The following ADAM29 variants were observed in gnomAD, a reference collection of about 807,000 sequenced individuals.
ADAM29 encodes ADAM metallopeptidase domain 29, also known as disintegrin and metalloproteinase domain-containing protein 29.
For synonymous variants in ADAM29, 367 were observed against 342.3 expected (o/e 1.07, Z -0.80); for missense variants, 969 against 1,001.8 (o/e 0.97, Z 0.44).
chr4:174,963,073 A>G (rs1745940905), intron 4 of ADAM29, among the ~76,000 whole-genome samples: 1 of 152,192 alleles, frequency 6.6e-6, no homozygotes, highest in Non-Finnish European at 1.5e-5. Context: ...AGTCTCATTA[A>G]AATACTTGGC....
intron 4 of ADAM29, among the ~76,000 whole-genome samples, chr4:174,944,557 T>A (rs571297139): frequency 5.5e-4 from 84 of 152,294 alleles, no homozygotes; most frequent in African/African-American, 1.7e-3. Flanking sequence ...GCTTCAGGGA[T>A]CCACATGTAA....
At chr4:174,927,063 G>A (rs1379386365) in intron 2 of ADAM29, among the ~76,000 whole-genome samples, 1 of 152,092 alleles carries the variant, frequency 6.6e-6, no homozygotes, top group East Asian at 1.9e-4. Flanking sequence ...AACTCAACTA[G>A]ATACCACAAC....
chr4:174,953,156 G>A lies in ADAM29; in HGVS notation c.-181+16143G>A, dbSNP rs1036829007. ...AAAAAATTAGCCGGGCGTGGTGGCC[G>A]GTGCCTGTAGTCCCAGCTACTTGGG... On this transcript the variant is annotated intron_variant, in intron 4 of 4. Coordinates refer to ENST00000359240, the MANE Select transcript of ADAM29 (RefSeq NM_014269.4). Among the ~76,000 whole-genome samples the A allele has an allele frequency of 2.6e-5, 4 of 152,078 alleles. No individual in the cohort carries two copies. The East Asian group carries it at 5.8e-4, about 22-fold the overall frequency.
chr4:174,949,593 A>G (rs62332289), intron 4 of ADAM29, among the ~76,000 whole-genome samples: 30,544 of 151,466 alleles, frequency 0.2, 3,558 homozygotes, highest in Middle Eastern at 0.31. Context: ...CATTCAGCCC[A>G]GCATTTGTGT....
intron 4 of ADAM29, 63 bp downstream of exon 4, chr4:174,937,076 AAC>A (rs1391066060): frequency 6.6e-6 from 1 of 152,010 alleles, no homozygotes; most frequent in Non-Finnish European, 1.5e-5. Context: ...ATCACAATAA[AAC>A]ACACATTTTA....
intron 4 of ADAM29, among the ~76,000 whole-genome samples, chr4:174,945,160 CTGT>C (rs1362385341): frequency 6.6e-6 from 1 of 152,112 alleles, no homozygotes; most frequent in African/African-American, 2.4e-5. Flanking sequence ...TTGCCAGCAT[CTGT>C]TATTATTATT....
intron 4 of ADAM29, among the ~76,000 whole-genome samples, chr4:174,938,011 T>C (rs1744299665): frequency 6.6e-6 from 1 of 151,984 alleles, no homozygotes; most frequent in Non-Finnish European, 1.5e-5. Context: ...ATAATAGATA[T>C]TAGAGATGAT....
chr4:174,965,244 AAG>A (rs70947477), intron 4 of ADAM29, among the ~76,000 whole-genome samples: 5 of 151,580 alleles, frequency 3.3e-5, no homozygotes, highest in Admixed American at 6.6e-5. Flanking sequence ...GGGAGGAAGC[AAG>A]AGAGAGAGAA....
rs115343937 is a variant in ADAM29 at position 174,918,460 on chromosome 4, G to C, written c.-568G>C. The C allele has an allele frequency of 6.6e-6, 1 of 152,006 alleles. No homozygotes were observed. The highest frequency in any genetic ancestry group is 1.5e-5 in the Non-Finnish European group (1 of 68,014). 9.4% of individuals were successfully genotyped at this position (152,006 alleles called of 1,614,324 possible). A position where few individuals can be genotyped will look rare whatever the true frequency, so the allele number is the denominator to read the frequency against. ...CTGCACATTTCCTGAGGACGCCCTC[G>C]ATCACAAGCAGGTTATAGCTATTTA... On this transcript the variant is annotated 5_prime_UTR_variant, in exon 1 of 5. Coordinates refer to ENST00000359240, the MANE Select transcript of ADAM29 (RefSeq NM_014269.4).
intron 4 of ADAM29, among the ~76,000 whole-genome samples, chr4:174,953,136 A>AAG (rs1745281654): frequency 6.6e-6 from 1 of 151,662 alleles, no homozygotes; most frequent in African/African-American, 2.4e-5. Context: ...AATACAAAAA[A>AAG]TTAGCCGGGC....
At chr4:174,970,237 G>A (rs553443048) in intron 4 of ADAM29, among the ~76,000 whole-genome samples, 2 of 152,174 alleles carry the variant, frequency 1.3e-5, no homozygotes, top group East Asian at 1.9e-4. Context: ...CCCTGAAACC[G>A]ACAAAGATTC....
chr4:174,952,062 G>A (rs1745208060), intron 4 of ADAM29, among the ~76,000 whole-genome samples: 2 of 152,088 alleles, frequency 1.3e-5, no homozygotes, highest in South Asian at 4.2e-4. Flanking sequence ...TAATGCATAT[G>A]CTAATTAGCT....
intron 2 of ADAM29, among the ~76,000 whole-genome samples, chr4:174,925,367 A>ATT (rs34742792): frequency 2.0e-5 from 3 of 150,978 alleles, no homozygotes; most frequent in African/African-American, 4.9e-5. Context: ...CTATCTTTGC[A>ATT]TTTTTTTTTT....
At chr4:174,974,139 A>C (rs1253415579) in intron 4 of ADAM29, among the ~76,000 whole-genome samples, 1 of 152,184 alleles carries the variant, frequency 6.6e-6, no homozygotes. Context: ...TGAAATGGCC[A>C]CTGTGGGTGA....
At chr4:174,938,434 G>A (rs1022429509) in intron 4 of ADAM29, among the ~76,000 whole-genome samples, 1 of 152,050 alleles carries the variant, frequency 6.6e-6, no homozygotes, top group African/African-American at 2.4e-5. Context: ...AGGGATGCAT[G>A]GTGGATTTCT....
chr4:174,927,287 A>T (rs1436456098), intron 2 of ADAM29, among the ~76,000 whole-genome samples: 1 of 152,182 alleles, frequency 6.6e-6, no homozygotes, highest in East Asian at 1.9e-4. Context: ...GCATATCAAT[A>T]TTTATAGTAG....
At chr4:174,954,161 AAATACC>A (rs1165841369) in intron 4 of ADAM29, among the ~76,000 whole-genome samples, 1 of 152,234 alleles carries the variant, frequency 6.6e-6, no homozygotes, top group Non-Finnish European at 1.5e-5. Flanking sequence ...GCATTATTTG[AAATACC>A]TCTGTATTGA....
At chr4:174,942,286 A>G (rs1579032553) in intron 4 of ADAM29, among the ~76,000 whole-genome samples, 1 of 152,322 alleles carries the variant, frequency 6.6e-6, no homozygotes, top group East Asian at 1.9e-4. Context: ...GCATTGCTCC[A>G]GTGGGAACTC....
intron 4 of ADAM29, among the ~76,000 whole-genome samples, chr4:174,941,252 T>C (rs78965535): frequency 0.023 from 3,479 of 152,322 alleles, 70 homozygotes; most frequent in Non-Finnish European, 0.035. Flanking sequence ...CTGGATTAAA[T>C]GAATCATGGA....
Sources: allele counts gnomAD v4.1 joint callset (sites outside exome capture counted in the v4.1 genomes callset), GRCh38; gene constraint gnomAD v4.1.1; transcripts MANE v1.5; gene names NCBI Gene and HGNC (gene_info 2026-07-23, HGNC 2026-07-21).